Variants in PAX8 observed in about 807,000 individuals in gnomAD.
PAX8 encodes paired box protein Pax-8.
Under a neutral mutation model 52.4 loss-of-function variants are expected in PAX8, and 15 were observed. The observed-to-expected ratio is 0.29, with a 90% CI of 0.19 to 0.44. The LOEUF (loss-of-function observed/expected upper bound fraction) is 0.44, where lower values mean the gene tolerates loss of function less well. Among genes scored for constraint, PAX8 ranks in the 20% least tolerant of loss-of-function variants. The pLI is 1.00. For synonymous variants in PAX8, 284 were observed against 249.7 expected, an observed-to-expected ratio of 1.14 and a Z score of -1.29; for missense variants, 554 against 602.5, an observed-to-expected ratio of 0.92 and a Z score of 0.84.
chr2:113,242,265 C>T, intron 5 of PAX8, 135 bp from the exon 6 acceptor site: 1 of 691,418 alleles, frequency 1.4e-6, no homozygotes, highest in East Asian at 2.7e-5. Flanking sequence ...GGGTGGGACA[C>T]CCCTTACAGC....
At chr2:113,278,637 G>C (rs1389163464) in intron 1 of PAX8, 168 bp from the exon 2 acceptor site, 1 of 699,380 alleles carries the variant, frequency 1.4e-6, no homozygotes, top group East Asian at 2.8e-5. Flanking sequence ...CAGGCTTCCC[G>C]GGAGGATCAA....
At chr2:113,234,271 A>G (rs1270826653) in intron 9 of PAX8, among the ~76,000 whole-genome samples, 1 of 152,130 alleles carries the variant, frequency 6.6e-6, no homozygotes, top group Non-Finnish European at 1.5e-5. Flanking sequence ...AACCCAAGCC[A>G]AGCGCTTGAC....
intron 2 of PAX8, among the ~76,000 whole-genome samples, chr2:113,258,581 G>C (rs77625234): frequency 0.012 from 1,830 of 152,266 alleles, 34 homozygotes; most frequent in African/African-American, 0.04. Context: ...TGACTGCTCA[G>C]GTTCTTTATC....
Position 113,227,192 on chromosome 2 carries a change from G to C in PAX8, c.1152C>G (p.Gly384=), listed in dbSNP as rs1191100371. The change falls in exon 10 of 12, where the codon GGC becomes GGG. Residue 384 remains glycine (G), a synonymous_variant. Transcript: ENST00000429538. ...YPPHIPTSGQ[G]SYASSAIAGM... is the part of the protein sequence containing the mutation. The stretch of plus-strand genomic sequence containing the variant: ...CTGCGATGGCAGAGGAGGCATAGCT[G>C]CCCTGTCCGCTGGTGGGGATGTGGG... The C allele has an allele frequency of 6.2e-7, 1 of 1,608,662 alleles. No individual in the cohort carries two copies. Among genetic ancestry groups the C allele is most frequent in the African/African-American group, 1.3e-5 (1 of 74,882 alleles).
At chr2:113,253,624 C>A (rs1276294312) in intron 2 of PAX8, among the ~76,000 whole-genome samples, 1 of 152,162 alleles carries the variant, frequency 6.6e-6, no homozygotes, top group African/African-American at 2.4e-5. Flanking sequence ...GTCTCCCTGT[C>A]GTATCTAGTT....
In PAX8 at chr2:113,278,355, A is replaced by G. The variant is rs992731939; in HGVS notation, c.25+15T>C. On this transcript the variant is annotated intron_variant, in intron 2 of 11. Transcript: ENST00000429538. The stretch of plus-strand genomic sequence containing the variant: ...GCGCGGGGGCTCGGGGATCCTGACC[A>G]CACCGCGTTCTTACCAGATCTGATG... 1.9e-6 allele frequency: 3 copies of G among 1,586,568 alleles called. No individual in the cohort carries two copies. Among genetic ancestry groups the G allele is most frequent in the Non-Finnish European group, 2.6e-6 (3 of 1,157,942 alleles).
At chr2:113,219,717 C>T (rs1037933007) in intron 11 of PAX8, among the ~76,000 whole-genome samples, 39 of 152,200 alleles carry the variant, frequency 2.6e-4, no homozygotes, top group African/African-American at 9.2e-4. Flanking sequence ...GGGTGCCCTG[C>T]GTCAGTGTCT....
chr2:113,227,831 C>T (rs1053089366), intron 9 of PAX8, among the ~76,000 whole-genome samples: 2 of 152,186 alleles, frequency 1.3e-5, no homozygotes, highest in Admixed American at 6.5e-5. Flanking sequence ...TAGAGGGGGC[C>T]TTCCAAGTGG....
At chr2:113,249,430 C>T (rs929610720) in intron 2 of PAX8, among the ~76,000 whole-genome samples, 3 of 152,146 alleles carry the variant, frequency 2.0e-5, no homozygotes, top group Non-Finnish European at 4.4e-5. Flanking sequence ...CAGAAGTTTC[C>T]GGGCCGTATC....
chr2:113,222,413 G>A (rs558009722), intron 10 of PAX8, among the ~76,000 whole-genome samples: 5 of 152,274 alleles, frequency 3.3e-5, no homozygotes, highest in East Asian at 1.9e-4. Flanking sequence ...ACCATTTACC[G>A]AGTACCTCAG....
intron 10 of PAX8, 77 bp from the exon 11 acceptor site, chr2:113,220,255 GGGCT>G: frequency 8.7e-7 from 1 of 1,155,590 alleles, no homozygotes; most frequent in Non-Finnish European, 1.3e-6. Flanking sequence ...AAGGTCTGCA[GGGCT>G]GGCAATGGGC....
intron 5 of PAX8, 27 bp from the exon 6 acceptor site, chr2:113,242,157 A>C (rs1457307431): frequency 6.4e-7 from 1 of 1,559,526 alleles, no homozygotes; most frequent in Admixed American, 1.7e-5. Context: ...GGAGAGGGTC[A>C]GGGGTGGGAG....
At chr2:113,229,304 A>G (rs35836064) in intron 9 of PAX8, among the ~76,000 whole-genome samples, 25,291 of 152,208 alleles carry the variant, frequency 0.17, 2,303 homozygotes, top group African/African-American at 0.25. Context: ...AGCTGTAGGC[A>G]CCTTATTACA....
rs186890770 is a variant in PAX8 at position 113,217,456 on chromosome 2, G to A, written c.*1077C>T. 8.7e-6 allele frequency: 2 copies of A among 229,328 alleles called. No individual in the cohort carries two copies. Among genetic ancestry groups the A allele is most frequent in the African/African-American group, 2.2e-5 (1 of 45,146 alleles). 14.2% of individuals were successfully genotyped at this position (229,328 alleles called of 1,614,324 possible). A position where few individuals can be genotyped will look rare whatever the true frequency, so the allele number is the denominator to read the frequency against. ...GGAGAGAAGCCCCACAGGGCAAAGAGAGACATTTCACTCAGAGGCCAAAGT... is the reference window on the plus strand; with the variant it reads ...GGAGAGAAGCCCCACAGGGCAAAGAAAGACATTTCACTCAGAGGCCAAAGT... On this transcript the variant is annotated 3_prime_UTR_variant, in exon 12 of 12. Coordinates refer to ENST00000429538, the MANE Select transcript of PAX8 (RefSeq NM_003466.4).
intron 2 of PAX8, among the ~76,000 whole-genome samples, chr2:113,258,836 C>T (rs1692455832): frequency 6.6e-6 from 1 of 152,156 alleles, no homozygotes; most frequent in Non-Finnish European, 1.5e-5. Context: ...CCTCCCCCAG[C>T]CCTTAGATTA....
rs1158307821 is a variant in PAX8 at position 113,220,317 on chromosome 2, T to G, written c.1190-139A>C. 9 of 675,852 alleles carry G rather than the reference T, an allele frequency of 1.3e-5. No individual in the cohort carries two copies. In the South Asian group the frequency reaches 1.5e-4, roughly 11 times the overall value. 41.9% of individuals were successfully genotyped at this position (675,852 alleles called of 1,614,324 possible). On this transcript the variant is annotated intron_variant, in intron 10 of 11. Transcript: ENST00000429538. ...ACAGTTGGAGCCACGGCAGGGACAATGGAGCTCAGAAGGTCCCTCTGTCAT... is the reference window on the plus strand; with the variant it reads ...ACAGTTGGAGCCACGGCAGGGACAAGGGAGCTCAGAAGGTCCCTCTGTCAT...
rs773276491 is a variant in PAX8 at position 113,217,921 on chromosome 2, C to G, written c.*612G>C. The G allele has an allele frequency of 3.9e-5, 9 of 233,256 alleles. No homozygotes were observed. In the Admixed American group the frequency reaches 5.1e-4, roughly 13 times the overall value. The allele number at this position is 233,256 out of a possible 1,614,324, so 14.4% of individuals were successfully genotyped here. On this transcript the variant is annotated 3_prime_UTR_variant, in exon 12 of 12. Transcript: ENST00000429538. ...AGCCTGGTGGAATTTCTGAGGGACT[C>G]GCTCCAGCCCTCAGCCCATGCCCAA...
intron 2 of PAX8, chr2:113,269,475 T>A (rs1482949009): frequency 6.6e-6 from 1 of 152,276 alleles, no homozygotes. Context: ...GTTCTGCGGG[T>A]CTGCCTTCTT....
chr2:113,236,113 C>G (rs1418608923), intron 8 of PAX8: 11 of 184,256 alleles, frequency 6.0e-5, no homozygotes, highest in South Asian at 1.8e-4. Context: ...CGCGACCCCT[C>G]GGCCCACCTT....
Sources: gnomAD v4.1 joint callset for allele counts (sites outside exome capture counted in the v4.1 genomes callset) on GRCh38, gnomAD v4.1.1 for gene constraint, MANE v1.5 for transcripts, NCBI Gene and HGNC (gene_info 2026-07-23, HGNC 2026-07-21) for gene names.